Variants in PTGS1 observed in about 807,000 individuals in gnomAD.
The protein encoded by PTGS1 is prostaglandin G/H synthase 1.
In PTGS1, 40 loss-of-function variants were observed where a neutral mutation model predicts 63.0. The ratio of observed to expected loss-of-function variants is 0.63; its 90% CI spans 0.49 to 0.83. The LOEUF is 0.83. Ranked by LOEUF, PTGS1 falls within the 40% of genes least tolerant of loss-of-function variation. The pLI is 0.00. For missense variants in PTGS1, 709 were observed against 786.5 expected, an observed-to-expected ratio of 0.90 and a Z score of 1.18; for synonymous variants, 298 against 301.9, an observed-to-expected ratio of 0.99 and a Z score of 0.13.
chr9:122,394,440 TGAATGCAGG>T lies in PTGS1; in HGVS notation c.*1904_*1912del, dbSNP rs1033571694. On this transcript the variant is annotated 3_prime_UTR_variant, in exon 11 of 11. Coordinates refer to ENST00000362012, the MANE Select transcript of PTGS1 (RefSeq NM_000962.4). ...TCCCATCATTCCTTCTGGCCTCTGCTGAATGCAGGGAATGCAATCCTTCCCTGCTCTTGC... is the reference window on the plus strand; with the variant it reads ...TCCCATCATTCCTTCTGGCCTCTGCTGAATGCAATCCTTCCCTGCTCTTGC... The T allele has an allele frequency of 6.6e-6, 1 of 152,250 alleles. No individual in the cohort carries two copies. The highest frequency in any genetic ancestry group is 2.4e-5 in the African/African-American group (1 of 41,456). 9.4% of individuals were successfully genotyped at this position (152,250 alleles called of 1,614,324 possible).
chr9:122,375,513 G>T (rs1837082322), intron 2 of PTGS1: 1 of 982,258 alleles, frequency 1.0e-6, no homozygotes, highest in Non-Finnish European at 1.2e-6. Flanking sequence ...ACCACATCTG[G>T]ATCCCAGACC....
intron 2 of PTGS1, 103 bp downstream of exon 2, chr9:122,371,375 GCT>G (rs1231538851): frequency 6.5e-7 from 1 of 1,543,154 alleles, no homozygotes; most frequent in Non-Finnish European, 8.7e-7. Context: ...TCCCCTTTCT[GCT>G]CGCGGTGCTG....
chr9:122,384,587 C>G (rs1837754972), intron 8 of PTGS1, among the ~76,000 whole-genome samples: 1 of 152,124 alleles, frequency 6.6e-6, no homozygotes, highest in Non-Finnish European at 1.5e-5. Context: ...CCCTAGGGCA[C>G]CATTTAACTC....
intron 7 of PTGS1, 141 bp downstream of exon 7, chr9:122,381,888 A>C: frequency 1.2e-6 from 1 of 850,022 alleles, no homozygotes; most frequent in Non-Finnish European, 1.9e-6. Flanking sequence ...GAGCGACAGT[A>C]TACGCTGGGA....
chr9:122,377,788 G>T, intron 2 of PTGS1, 111 bp from the exon 3 acceptor site: 2 of 928,180 alleles, frequency 2.2e-6, no homozygotes, highest in Admixed American at 1.9e-5. Flanking sequence ...GATTCAGGAC[G>T]GAGCTGCGAC....
At chr9:122,383,440 G>A (rs1588132266) in intron 7 of PTGS1, 69 bp from the exon 8 acceptor site, 1 of 1,538,276 alleles carries the variant, frequency 6.5e-7, no homozygotes, top group African/African-American at 1.4e-5. Context: ...GCAGGAGTGG[G>A]AGGGAGTTGG....
At position 122,381,373 on chromosome 9, in the gene PTGS1, AAGAAGC is replaced by A. The variant is rs772106353; in HGVS notation, c.502_507del (p.Lys168_Gln169del). On this transcript the variant is annotated inframe_deletion, in exon 6 of 11. Transcript: ENST00000362012. The stretch of plus-strand genomic sequence containing the variant: ...GCTGTTTCCTACCCCCCAACCAGGG[AAGAAGC>A]AGTTGCCAGATGCCCAGCTCCTGGC... 1.2e-6 allele frequency: 2 copies of A among 1,613,800 alleles called. No individual in the cohort carries two copies. The highest frequency in any genetic ancestry group is 2.2e-5 in the South Asian group (2 of 91,034).
chr9:122,385,763 C>G (rs1482218861), intron 8 of PTGS1, among the ~76,000 whole-genome samples: 1 of 152,040 alleles, frequency 6.6e-6, no homozygotes, highest in African/African-American at 2.4e-5. Flanking sequence ...AAATCCTCCA[C>G]TTTTCCATCT....
chr9:122,381,331 A>G (rs759402438), intron 5 of PTGS1, 40 bp from the exon 6 acceptor site: 8 of 1,598,604 alleles, frequency 5.0e-6, no homozygotes, highest in Non-Finnish European at 6.8e-6. Context: ...AGCAAGATCC[A>G]GATAGGAGAA....
intron 2 of PTGS1, chr9:122,371,554 T>A: frequency 1.4e-6 from 2 of 1,412,660 alleles, no homozygotes; most frequent in Non-Finnish European, 1.8e-6. Context: ...CCCTCACCTG[T>A]TCTGGGCCCC....
At position 122,386,440 on chromosome 9, in the gene PTGS1, G is replaced by A. The variant is rs745714859; in HGVS notation, c.1010-6G>A. 6.2e-7 allele frequency: 1 copy of A among 1,613,884 alleles called. No individual in the cohort carries two copies. The highest frequency in any genetic ancestry group is 1.1e-5 in the South Asian group (1 of 91,046). ...CTGACCCTATTTCCAATCCTGCCCT[G>A]CCCAGGGGAGACCATCAAGATTGTC... On this transcript the variant is annotated splice_polypyrimidine_tract_variant and splice_region_variant and intron_variant, in intron 8 of 10. Coordinates refer to ENST00000362012, the MANE Select transcript of PTGS1 (RefSeq NM_000962.4).
At chr9:122,391,328 A>G (rs967236706) in intron 10 of PTGS1, among the ~76,000 whole-genome samples, 4 of 123,014 alleles carry the variant, frequency 3.3e-5, no homozygotes, top group Admixed American at 7.9e-5. Context: ...ACACATATAT[A>G]TGTGTGTGTA....
intron 8 of PTGS1, 21 bp from the exon 9 acceptor site, chr9:122,386,425 T>C (rs770818142): frequency 1.2e-6 from 2 of 1,611,718 alleles, no homozygotes; most frequent in Admixed American, 3.3e-5. Flanking sequence ...CTGACCCTAT[T>C]TCCAATCCTG....
chr9:122,373,307 A>G (rs1305561371), intron 2 of PTGS1, among the ~76,000 whole-genome samples: 1 of 152,116 alleles, frequency 6.6e-6, no homozygotes, highest in Non-Finnish European at 1.5e-5. Context: ...TTGCCCTCAT[A>G]TTTCCAAGTC....
chr9:122,371,003 G>T (rs201093613), upstream of PTGS1: 1 of 1,528,480 alleles, frequency 6.5e-7, no homozygotes, highest in South Asian at 1.2e-5. Context: ...GGTGGGGAGG[G>T]GATGGGCTGG....
At chr9:122,383,095 A>T (rs884552) in intron 7 of PTGS1, among the ~76,000 whole-genome samples, 14 of 151,682 alleles carry the variant, frequency 9.2e-5, no homozygotes, top group Non-Finnish European at 1.5e-4. Flanking sequence ...GTCTGTGGGG[A>T]CCGTGTTAAG....
rs760637830 is a variant in PTGS1, at chr9:122,392,397, C to T, written c.1653C>T (p.Gly551=). Residue 551 remains glycine (G), a synonymous_variant, in exon 11 of 11, where the codon GGC becomes GGT. Transcript: ENST00000362012. ...ACTGGAAGCCGAGCACATTTGGCGGCGAGGTGGGCTTTAACATTGTCAAGA... is the reference window on the plus strand; with the variant it reads ...ACTGGAAGCCGAGCACATTTGGCGGTGAGGTGGGCTTTAACATTGTCAAGA... ...PEYWKPSTFG[G]EVGFNIVKTA... is the part of the protein sequence containing the mutation. The T allele has an allele frequency of 1.5e-5, 24 of 1,614,002 alleles. No individual in the cohort carries two copies. Among genetic ancestry groups the T allele is most frequent in the East Asian group, 8.9e-5 (4 of 44,898 alleles).
chr9:122,387,483 C>A (rs1320826476), intron 9 of PTGS1, among the ~76,000 whole-genome samples: 2 of 152,142 alleles, frequency 1.3e-5, no homozygotes, highest in Non-Finnish European at 2.9e-5. Flanking sequence ...GAGACAAGGT[C>A]TTTAAAGAGG....
At position 122,384,167 on chromosome 9, in the gene PTGS1, A is replaced by G. The variant is rs192207896; in HGVS notation, c.1009+412A>G. 5.9e-5 allele frequency among the ~76,000 whole-genome samples: 9 copies of G among 152,242 alleles called. No homozygotes were observed. In the East Asian group the frequency reaches 1.5e-3, roughly 26 times the overall value. On this transcript the variant is annotated intron_variant, in intron 8 of 10. Transcript: ENST00000362012. ...ACTGTAACTTGCCCGGCCTTCAGGA[A>G]TCTTCATGTTCCCTTCCCTGCATGT...
Sources: gnomAD v4.1 joint callset for allele counts (sites outside exome capture counted in the v4.1 genomes callset) on GRCh38, gnomAD v4.1.1 for gene constraint, MANE v1.5 for transcripts, NCBI Gene and HGNC (gene_info 2026-07-23, HGNC 2026-07-21) for gene names.